RREB1: variants seen among roughly 807,000 people sequenced by gnomAD.
The protein encoded by RREB1 is ras-responsive element-binding protein 1.
Under a neutral mutation model 117.8 loss-of-function variants are expected in RREB1, and 27 were observed. The observed-to-expected ratio is 0.23, with a 90% CI of 0.17 to 0.32. The LOEUF (loss-of-function observed/expected upper bound fraction) is 0.32. Among genes scored for constraint, RREB1 ranks in the 10% least tolerant of loss-of-function variants. The pLI is 1.00. For synonymous variants in RREB1, 1,298 were observed against 1,026.7 expected (o/e 1.26, Z -5.05); for missense variants, 2,577 against 2,378.2 (o/e 1.08, Z -1.74).
intron 1 of RREB1, among the ~76,000 whole-genome samples, chr6:7,141,926 G>A (rs866922946): frequency 3.3e-5 from 5 of 152,206 alleles, no homozygotes; most frequent in South Asian, 2.1e-4. Context: ...GGCCGGGAGC[G>A]GTGGCCCTCG....
intron 1 of RREB1, among the ~76,000 whole-genome samples, chr6:7,109,353 A>C (rs914590277): frequency 6.6e-6 from 1 of 152,040 alleles, no homozygotes; most frequent in Admixed American, 6.5e-5. Context: ...ATGGTTGCTA[A>C]GGAGCAGGGG....
At chr6:7,113,765 A>G (rs927857174) in intron 1 of RREB1, among the ~76,000 whole-genome samples, 2 of 152,210 alleles carry the variant, frequency 1.3e-5, no homozygotes, top group African/African-American at 4.8e-5. Context: ...TTTTCAAAAT[A>G]AACCTAATTG....
chr6:7,229,900 A>G lies in RREB1; in HGVS notation c.1801A>G (p.Ile601Val), dbSNP rs373400299. Residue 601 changes from isoleucine (I) to valine (V), a missense_variant, in exon 10 of 13, where the codon ATC (isoleucine) becomes GTC (valine). Physicochemically the swap from Ile to Val is conservative, Grantham distance 29. Coordinates refer to ENST00000379938, the MANE Select transcript of RREB1 (RefSeq NM_001003699.4). This position sits in a 1 kb window ranked among gnomAD's most constrained non-coding sequence, Gnocchi z 4.5. ...EMKTQLEQDS[I>V]IEALLPLSME... Reference sequence around the variant, plus strand: ...GAAGACGCAGCTGGAGCAGGACAGCATCATCGAGGCCCTGCTGCCGCTGAG... The same window carrying G: ...GAAGACGCAGCTGGAGCAGGACAGCGTCATCGAGGCCCTGCTGCCGCTGAG... 3 of 1,603,690 alleles carry G rather than the reference A, an allele frequency of 1.9e-6. No individual in the cohort carries two copies. Among genetic ancestry groups the G allele is most frequent in the Non-Finnish European group, 2.6e-6 (3 of 1,172,762 alleles).
chr6:7,250,152 A>G lies in RREB1; in HGVS notation c.*1184A>G, dbSNP rs893998154. ...GAGATGACTTTGGAGAAAGCAAAGC[A>G]GTGACCCAGTGACCAGGCACATTAC... On this transcript the variant is annotated 3_prime_UTR_variant, in exon 13 of 13. Transcript: ENST00000379938. The G allele has an allele frequency of 1.3e-5, 2 of 152,476 alleles. No homozygotes were observed. The highest frequency in any genetic ancestry group is 4.8e-5 in the African/African-American group (2 of 41,442). 9.4% of individuals were successfully genotyped at this position (152,476 alleles called of 1,614,324 possible).
At chr6:7,151,114 G>T (rs1015698990) in intron 1 of RREB1, among the ~76,000 whole-genome samples, 1 of 152,218 alleles carries the variant, frequency 6.6e-6, no homozygotes, top group African/African-American at 2.4e-5. Context: ...TAAAGATACT[G>T]CGGAAATTTG....
At chr6:7,111,490 G>T (rs1581394790) in intron 1 of RREB1, among the ~76,000 whole-genome samples, 1 of 152,160 alleles carries the variant, frequency 6.6e-6, no homozygotes, top group African/African-American at 2.4e-5. Context: ...AAAGTAGGTG[G>T]TGCTTAGAAG....
intron 5 of RREB1, among the ~76,000 whole-genome samples, chr6:7,188,311 T>C (rs1765210530): frequency 1.3e-5 from 2 of 151,634 alleles, no homozygotes; most frequent in Admixed American, 6.6e-5. Flanking sequence ...AGTACAGTGG[T>C]GCGATCTCAG....
At chr6:7,198,666 A>G (rs1765788794) in intron 6 of RREB1, among the ~76,000 whole-genome samples, 1 of 152,208 alleles carries the variant, frequency 6.6e-6, no homozygotes. Flanking sequence ...TCATTATGAT[A>G]ATACTTGGGT....
chr6:7,149,838 A>G (rs1763032977), intron 1 of RREB1, among the ~76,000 whole-genome samples: 1 of 151,806 alleles, frequency 6.6e-6, no homozygotes, highest in Non-Finnish European at 1.5e-5. Context: ...ACAGGTGTGC[A>G]CCACCACGCC....
Position 7,226,654 on chromosome 6 carries a change from C to T in RREB1, c.895C>T (p.Gln299Ter). The T allele has an allele frequency of 6.2e-7, 1 of 1,613,296 alleles. No individual in the cohort carries two copies. The highest frequency in any genetic ancestry group is 8.5e-7 in the Non-Finnish European group (1 of 1,179,442). ...FSCRKFPRIS[Q>*]AWCETNLRRC... The stretch of plus-strand genomic sequence containing the variant: ...CTGTAGGAAGTTTCCTCGCATTTCT[C>T]AGGTATTCTGATCAGCCCATGGAAG... The change falls in exon 9 of 13, where the codon CAG becomes TAG. Residue 299 changes from glutamine (Q) to a stop codon, truncating the protein, a stop_gained and splice_region_variant. Coordinates refer to ENST00000379938, the MANE Select transcript of RREB1 (RefSeq NM_001003699.4). LOFTEE classifies it high-confidence loss of function.
chr6:7,242,649 C>CCA (rs1554128695), intron 11 of RREB1, among the ~76,000 whole-genome samples: 2 of 150,944 alleles, frequency 1.3e-5, no homozygotes, highest in Non-Finnish European at 2.9e-5. Context: ...GGTTCCCCCC[C>CCA]CCCAGTGAAG....
intron 6 of RREB1, among the ~76,000 whole-genome samples, chr6:7,194,097 C>G (rs548194168): frequency 3.0e-4 from 46 of 152,264 alleles, no homozygotes; most frequent in African/African-American, 1.1e-3. Flanking sequence ...TGGGGGCAGC[C>G]ATTTTGACTG....
intron 6 of RREB1, among the ~76,000 whole-genome samples, chr6:7,208,150 A>T (rs528614116): frequency 6.6e-6 from 1 of 152,106 alleles, no homozygotes; most frequent in African/African-American, 2.4e-5. Context: ...GAAAGACAAG[A>T]CCCAAGCCTT....
intron 1 of RREB1, among the ~76,000 whole-genome samples, chr6:7,143,970 G>A (rs546550442): frequency 4.2e-4 from 63 of 149,884 alleles, no homozygotes; most frequent in Non-Finnish European, 7.5e-4. Context: ...CAGAAATAAG[G>A]TTTTAATTTG....
At chr6:7,208,499 T>G (rs749141231) in intron 6 of RREB1, among the ~76,000 whole-genome samples, 2 of 152,220 alleles carry the variant, frequency 1.3e-5, no homozygotes, top group Non-Finnish European at 2.9e-5. Flanking sequence ...CTTCCCATGT[T>G]GTACCCGGTA....
At chr6:7,208,899 C>T (rs7751325) in intron 6 of RREB1, among the ~76,000 whole-genome samples, 68,011 of 151,972 alleles carry the variant, frequency 0.45, 15,400 homozygotes, top group South Asian at 0.64. Context: ...GGGAGATAGG[C>T]TGGGTTTGGG....
In RREB1 at chr6:7,248,551, C is replaced by T. The variant is rs144209596; in HGVS notation, c.4812C>T (p.Phe1604=). The stretch of plus-strand genomic sequence containing the variant: ...AATGTCAGACCTGCGAGCGAACCTT[C>T]ACCTTGAAGCACAGCCTGGTTCGCC... The part of the protein sequence containing the change: ...PYKCQTCERT[F]TLKHSLVRHQ... Residue 1604 remains phenylalanine, a synonymous_variant, in exon 13 of 13, where the codon TTC becomes TTT. Transcript: ENST00000379938. 1.2e-6 allele frequency: 2 copies of T among 1,614,256 alleles called. No homozygotes were observed. Among genetic ancestry groups the T allele is most frequent in the Admixed American group, 1.7e-5 (1 of 60,030 alleles).
chr6:7,124,957 A>AC (rs1212185921), intron 1 of RREB1, among the ~76,000 whole-genome samples: 1 of 152,212 alleles, frequency 6.6e-6, no homozygotes, highest in Admixed American at 6.5e-5. Context: ...CATTCACCAA[A>AC]CAAGAACTCA....
chr6:7,128,590 C>T (rs1401969144), intron 1 of RREB1, among the ~76,000 whole-genome samples: 1 of 152,122 alleles, frequency 6.6e-6, no homozygotes, highest in Non-Finnish European at 1.5e-5. Flanking sequence ...GACCAGGAAG[C>T]TTTATGGCAG....
Sources: allele counts gnomAD v4.1 joint callset (sites outside exome capture counted in the v4.1 genomes callset), GRCh38; gene constraint gnomAD v4.1.1; non-coding constraint Gnocchi (gnomAD v3.1); transcripts MANE v1.5; gene names NCBI Gene and HGNC (gene_info 2026-07-23, HGNC 2026-07-21).